Variants in RP2 observed in about 807,000 individuals in gnomAD.
RP2 encodes the protein RP2 activator of ARL3 GTPase.
RP2 carries 3 observed loss-of-function variants against 20.3 expected under a neutral mutation model. The observed-to-expected ratio is 0.15, with a 90% CI of 0.07 to 0.38. The LOEUF is 0.38. Ranked by LOEUF, RP2 falls within the 10% of genes least tolerant of loss-of-function variation. The pLI is 1.00. For synonymous variants in RP2, 75 were observed against 94.8 expected, an observed-to-expected ratio of 0.79 and a Z score of 1.22; for missense variants, 233 against 268.5, an observed-to-expected ratio of 0.87 and a Z score of 0.92.
intron 3 of RP2, among the ~76,000 whole-genome samples, chrX:46,866,044 C>T (rs897090880): frequency 1.8e-5 from 2 of 111,352 alleles, no homozygotes; most frequent in African/African-American, 6.5e-5. Flanking sequence ...TGGTTTTAAC[C>T]ATCTGGAGCT....
At chrX:46,863,011 C>A (rs1035914644) in intron 3 of RP2, among the ~76,000 whole-genome samples, 1 of 112,171 alleles carries the variant, frequency 8.9e-6, no homozygotes, top group Non-Finnish European at 1.9e-5. Context: ...TAGGTCTCTT[C>A]AGACAGTATA....
chrX:46,859,367 C>CCCAGCTAG (rs782610336), intron 2 of RP2, among the ~76,000 whole-genome samples: 1 of 108,702 alleles, frequency 9.2e-6, no homozygotes, highest in African/African-American at 3.4e-5. Flanking sequence ...AGCTTGTAGT[C>CCCAGCTAG]CCAGCTAGCT....
At chrX:46,857,415 C>T (rs1924981410) in intron 2 of RP2, among the ~76,000 whole-genome samples, 1 of 111,197 alleles carries the variant, frequency 9.0e-6, no homozygotes, top group Non-Finnish European at 1.9e-5. Flanking sequence ...CAAAAATTAG[C>T]CAGGCGTGGT....
intron 1 of RP2, among the ~76,000 whole-genome samples, chrX:46,842,012 A>G (rs782329822): frequency 1.8e-5 from 2 of 111,840 alleles, no homozygotes; most frequent in Non-Finnish European, 3.8e-5. Context: ...TCCTGGATTC[A>G]AGCGATTCTC....
chrX:46,847,765 C>CATATGTGTGTGTGTATATATACACACAT (rs782092352), intron 1 of RP2, among the ~76,000 whole-genome samples: 2 of 78,424 alleles, frequency 2.6e-5, no homozygotes, highest in Non-Finnish European at 4.7e-5. Flanking sequence ...TATATACACA[C>CATATGTGTGTGTGTATATATACACACAT]ATGTGTGTGT....
At chrX:46,838,615 C>T (rs1924558964) in intron 1 of RP2, among the ~76,000 whole-genome samples, 1 of 112,400 alleles carries the variant, frequency 8.9e-6, no homozygotes, top group Admixed American at 9.5e-5. Flanking sequence ...AAATAAAATG[C>T]CTTTTTTATT....
intron 1 of RP2, among the ~76,000 whole-genome samples, chrX:46,840,898 A>G (rs1924611029): frequency 8.9e-6 from 1 of 112,640 alleles, no homozygotes; most frequent in Non-Finnish European, 1.9e-5. Flanking sequence ...CTCATATTCA[A>G]TAGAAATAAT....
At chrX:46,837,838 A>T (rs1556313893) in intron 1 of RP2, among the ~76,000 whole-genome samples, 4 of 112,371 alleles carry the variant, frequency 3.6e-5, no homozygotes, top group Non-Finnish European at 1.9e-5. Context: ...GTGTATTAAG[A>T]CTGTAAGGTG....
At chrX:46,843,287 G>A (rs1377048598) in intron 1 of RP2, among the ~76,000 whole-genome samples, 21 of 111,276 alleles carry the variant, frequency 1.9e-4, no homozygotes, top group African/African-American at 6.8e-4. Flanking sequence ...GATTACAGGC[G>A]TGAGCCACCG....
intron 2 of RP2, among the ~76,000 whole-genome samples, chrX:46,857,310 C>T (rs1295042331): frequency 1.8e-5 from 2 of 111,716 alleles, no homozygotes; most frequent in African/African-American, 6.5e-5. Flanking sequence ...GCCTGTAATC[C>T]CAGCACTTTG....
At chrX:46,878,283 A>G (rs1010779486) in intron 4 of RP2, among the ~76,000 whole-genome samples, 33 of 107,334 alleles carry the variant, frequency 3.1e-4, no homozygotes, top group African/African-American at 9.8e-4. Context: ...AGGCTGAGGC[A>G]GGAGAATGGC....
rs532785106 is a variant in RP2, at chrX:46,879,880, T to C, written c.*111T>C. ...ATGGTTTTTACTAATGCTAAAACTTTTAAAGTTTATTTTTTAATAAATTGT... is the reference window on the plus strand; with the variant it reads ...ATGGTTTTTACTAATGCTAAAACTTCTAAAGTTTATTTTTTAATAAATTGT... On this transcript the variant is annotated 3_prime_UTR_variant, in exon 5 of 5. Transcript: ENST00000218340. 9.2e-6 allele frequency: 4 copies of C among 436,639 alleles called. No homozygotes were observed. In the South Asian group the frequency reaches 1.5e-4, roughly 17 times the overall value. The allele number at this position is 436,639 out of a possible 1,213,427, so 36.0% of individuals were successfully genotyped here. A position where few individuals can be genotyped will look rare whatever the true frequency, so the allele number is the denominator to read the frequency against.
At chrX:46,857,879 T>C (rs1556319493) in intron 2 of RP2, among the ~76,000 whole-genome samples, 1 of 112,411 alleles carries the variant, frequency 8.9e-6, no homozygotes, top group African/African-American at 3.2e-5. Flanking sequence ...AGAGGTAGAA[T>C]TGTTTCTGAT....
intron 3 of RP2, among the ~76,000 whole-genome samples, chrX:46,873,279 T>A (rs781988206): frequency 9.0e-6 from 1 of 111,491 alleles, no homozygotes; most frequent in East Asian, 2.8e-4. Context: ...CATCCAGAAA[T>A]CTTTTTTGTC....
chrX:46,841,999 G>A (rs1011801546), intron 1 of RP2, among the ~76,000 whole-genome samples: 1 of 111,735 alleles, frequency 8.9e-6, no homozygotes, highest in Non-Finnish European at 1.9e-5. Context: ...TCACTGCTCC[G>A]CCTCCTGGAT....
intron 3 of RP2, among the ~76,000 whole-genome samples, chrX:46,863,670 T>C (rs1229976825): frequency 8.9e-6 from 1 of 112,025 alleles, no homozygotes; most frequent in Non-Finnish European, 1.9e-5. Flanking sequence ...GCAGCATCTC[T>C]GGCCTCTACC....
At chrX:46,845,087 G>T (rs1556315830) in intron 1 of RP2, among the ~76,000 whole-genome samples, 1 of 111,780 alleles carries the variant, frequency 8.9e-6, no homozygotes, top group East Asian at 2.8e-4. Context: ...GATGATGTAG[G>T]TGTCACTTGG....
chrX:46,852,734 C>A (rs1924884085), intron 1 of RP2, among the ~76,000 whole-genome samples: 1 of 110,413 alleles, frequency 9.1e-6, no homozygotes, highest in African/African-American at 3.3e-5. Flanking sequence ...AGACATGCGC[C>A]ACCACGCCTG....
chrX:46,857,240 G>A (rs1259308568), intron 2 of RP2, among the ~76,000 whole-genome samples: 1 of 111,552 alleles, frequency 9.0e-6, no homozygotes, highest in Non-Finnish European at 1.9e-5. Flanking sequence ...GCCAAGAGAA[G>A]TTACTAGACT....
Sources: gnomAD v4.1 joint callset for allele counts (sites outside exome capture counted in the v4.1 genomes callset) on GRCh38, gnomAD v4.1.1 for gene constraint, MANE v1.5 for transcripts, NCBI Gene and HGNC (gene_info 2026-07-23, HGNC 2026-07-21) for gene names.